CALCR: variants seen among roughly 807,000 people sequenced by gnomAD.
CALCR encodes calcitonin receptor.
In CALCR, 47 loss-of-function variants were observed where a neutral mutation model predicts 59.5. That is an observed-to-expected ratio of 0.79 (90% CI 0.63 to 1.01). The LOEUF is 1.01. Ranked by LOEUF, CALCR falls within the 50% of genes least tolerant of loss-of-function variation. The pLI is 0.00. For synonymous variants in CALCR, 213 were observed against 211.3 expected (o/e 1.01, Z -0.07); for missense variants, 566 against 597.1 (o/e 0.95, Z 0.54).
intron 2 of CALCR, among the ~76,000 whole-genome samples, chr7:93,557,979 T>C (rs1584630970): frequency 6.6e-6 from 1 of 152,164 alleles, no homozygotes; most frequent in African/African-American, 2.4e-5. Flanking sequence ...TGTTTATTTG[T>C]TTATTACCTA....
At chr7:93,566,519 A>G (rs1789867483) in intron 2 of CALCR, among the ~76,000 whole-genome samples, 1 of 152,192 alleles carries the variant, frequency 6.6e-6, no homozygotes, top group Non-Finnish European at 1.5e-5. Flanking sequence ...TTATATTAAA[A>G]TAAAGAAACG....
chr7:93,433,511 G>T (rs1409002637), intron 13 of CALCR, among the ~76,000 whole-genome samples: 1 of 152,168 alleles, frequency 6.6e-6, no homozygotes, highest in Non-Finnish European at 1.5e-5. Context: ...GTGCATTTGT[G>T]ACATTGGGTA....
At chr7:93,459,322 T>C (rs1800270563) in intron 8 of CALCR, among the ~76,000 whole-genome samples, 2 of 152,132 alleles carry the variant, frequency 1.3e-5, no homozygotes, top group Admixed American at 1.3e-4. Context: ...TGAATTTGAG[T>C]GCCTGCTCCC....
At chr7:93,427,861 A>G (rs1456314640) in intron 13 of CALCR, among the ~76,000 whole-genome samples, 2 of 152,128 alleles carry the variant, frequency 1.3e-5, no homozygotes, top group African/African-American at 4.8e-5. Flanking sequence ...GATTCCTCAA[A>G]AAGCAACTAA....
intron 8 of CALCR, 85 bp from the exon 9 acceptor site, chr7:93,443,842 A>C (rs1020323738): frequency 8.9e-7 from 1 of 1,127,336 alleles, no homozygotes; most frequent in African/African-American, 1.6e-5. Context: ...AAACAAGCCA[A>C]AGTATCTGCA....
At chr7:93,497,528 G>C (rs1801234288) in intron 2 of CALCR, among the ~76,000 whole-genome samples, 2 of 151,570 alleles carry the variant, frequency 1.3e-5, no homozygotes, top group South Asian at 4.1e-4. Flanking sequence ...TTAGTTTCCA[G>C]TCATGAAGTT....
chr7:93,446,624 T>G (rs1169661556), intron 8 of CALCR, among the ~76,000 whole-genome samples: 1 of 151,990 alleles, frequency 6.6e-6, no homozygotes. Flanking sequence ...AATTATAACC[T>G]TTCTGTCAAG....
intron 2 of CALCR, chr7:93,559,863 C>T (rs746685198): frequency 6.6e-6 from 1 of 152,066 alleles, no homozygotes; most frequent in Admixed American, 6.6e-5. Context: ...TGGTGGCTTA[C>T]ATAACATGTA....
chr7:93,514,769 A>G (rs77267852), intron 2 of CALCR, among the ~76,000 whole-genome samples: 1 of 152,210 alleles, frequency 6.6e-6, no homozygotes, highest in Non-Finnish European at 1.5e-5. Flanking sequence ...TCTTTCTGTA[A>G]GAATGCAACC....
At chr7:93,443,454 G>A (rs1371761129) in intron 9 of CALCR, 150 bp downstream of exon 9, 1 of 676,482 alleles carries the variant, frequency 1.5e-6, no homozygotes, top group Non-Finnish European at 2.5e-6. Flanking sequence ...AGGTCTTTTG[G>A]AGACTGAACT....
At chr7:93,531,068 C>T (rs962214926) in intron 2 of CALCR, among the ~76,000 whole-genome samples, 9 of 151,914 alleles carry the variant, frequency 5.9e-5, no homozygotes, top group Non-Finnish European at 1.0e-4. Context: ...GGAAAAGGCT[C>T]TCCACAGAGA....
chr7:93,486,429 G>A (rs1800945907), intron 3 of CALCR, among the ~76,000 whole-genome samples: 1 of 151,448 alleles, frequency 6.6e-6, no homozygotes, highest in East Asian at 2.0e-4. Flanking sequence ...ATAAAGACTT[G>A]AAGTTTCCAT....
intron 7 of CALCR, among the ~76,000 whole-genome samples, chr7:93,467,424 T>C (rs1296743877): frequency 6.6e-6 from 1 of 151,628 alleles, no homozygotes; most frequent in Non-Finnish European, 1.5e-5. Context: ...TAGACAAAGA[T>C]TGAAAAATGA....
chr7:93,460,583 A>ATG (rs1194219447), intron 8 of CALCR, among the ~76,000 whole-genome samples: 2 of 114,502 alleles, frequency 1.7e-5, no homozygotes, highest in African/African-American at 8.4e-5. Flanking sequence ...ATATATATAT[A>ATG]TATATATATG....
intron 2 of CALCR, among the ~76,000 whole-genome samples, chr7:93,536,450 T>G (rs1023598783): frequency 4.6e-5 from 7 of 151,836 alleles, no homozygotes; most frequent in Admixed American, 3.3e-4. Context: ...TTATTTTGAT[T>G]TTATATAAAG....
In CALCR at chr7:93,426,915, A is replaced by G. The variant is rs72615123; in HGVS notation, c.1192-326T>C. On this transcript the variant is annotated intron_variant, in intron 13 of 13. Transcript: ENST00000426151. ...ATGTGGTATACATGTCATAATAGGG[A>G]GAAAGGTTGACCAAACTTTTTATAT... 0.11 allele frequency among the ~76,000 whole-genome samples: 17,027 copies of G among 152,266 alleles called. 1,377 individuals carry two copies. Among genetic ancestry groups the G allele is most frequent in the East Asian group, 0.43 (2,243 of 5,160 alleles).
intron 2 of CALCR, among the ~76,000 whole-genome samples, chr7:93,535,551 T>TAA (rs1788962269): frequency 6.6e-6 from 1 of 151,800 alleles, no homozygotes; most frequent in African/African-American, 2.4e-5. Context: ...TATGACACTA[T>TAA]TACTTCTATG....
At chr7:93,456,806 T>C (rs1157749081) in intron 8 of CALCR, among the ~76,000 whole-genome samples, 1 of 152,158 alleles carries the variant, frequency 6.6e-6, no homozygotes, top group Non-Finnish European at 1.5e-5. Flanking sequence ...TCAAACATAC[T>C]TTAAGAATGC....
chr7:93,479,915 C>T (rs922519260), intron 3 of CALCR, among the ~76,000 whole-genome samples: 3 of 151,850 alleles, frequency 2.0e-5, no homozygotes, highest in Non-Finnish European at 4.4e-5. Flanking sequence ...AAAAAATAGA[C>T]ATAGTTCAAT....
Sources: gnomAD v4.1 joint callset for allele counts (sites outside exome capture counted in the v4.1 genomes callset) on GRCh38, gnomAD v4.1.1 for gene constraint, MANE v1.5 for transcripts, NCBI Gene and HGNC (gene_info 2026-07-23, HGNC 2026-07-21) for gene names.